Variants in CCNY observed in about 807,000 individuals in gnomAD.
The protein encoded by CCNY is cyclin Y, also known as cyclin-Y.
In CCNY, 19 loss-of-function variants were observed where a neutral mutation model predicts 42.8. That is an observed-to-expected ratio of 0.44 (90% CI 0.31 to 0.65). The LOEUF is 0.65. Among genes scored for constraint, CCNY ranks in the 30% least tolerant of loss-of-function variants. The probability of loss-of-function intolerance (pLI) is 0.07; values close to 1 mark genes in which losing one functional copy is unlikely to be tolerated. For missense variants in CCNY, 370 were observed against 437.3 expected (o/e 0.85, Z 1.37); for synonymous variants, 165 against 162.7 (o/e 1.01, Z -0.11).
At chr10:35,498,828 A>G (rs1283381062) in intron 2 of CCNY, among the ~76,000 whole-genome samples, 5 of 152,216 alleles carry the variant, frequency 3.3e-5, no homozygotes, top group African/African-American at 1.2e-4. Context: ...CCATACAGGA[A>G]AGTGGCACCT....
intron 8 of CCNY, among the ~76,000 whole-genome samples, chr10:35,554,545 C>G (rs1298625007): frequency 1.3e-5 from 2 of 152,042 alleles, no homozygotes; most frequent in Non-Finnish European, 2.9e-5. Flanking sequence ...AAATTCTGGC[C>G]TGTTTTCTTT....
At chr10:35,474,562 T>A (rs1222489378) in intron 1 of CCNY, among the ~76,000 whole-genome samples, 1 of 152,036 alleles carries the variant, frequency 6.6e-6, no homozygotes, top group Non-Finnish European at 1.5e-5. Flanking sequence ...TGCAGGGTAC[T>A]CCAACAGACC....
chr10:35,307,502 T>C (rs994823083), intron 3 of CCNY, among the ~76,000 whole-genome samples: 22 of 152,146 alleles, frequency 1.4e-4, no homozygotes, highest in Admixed American at 3.9e-4. Context: ...TGTGACTCAC[T>C]CACCCAACTG....
At chr10:35,523,565 G>A (rs1360410426) in intron 4 of CCNY, among the ~76,000 whole-genome samples, 2 of 152,166 alleles carry the variant, frequency 1.3e-5, no homozygotes, top group African/African-American at 4.8e-5. Context: ...TTGGCCTACA[G>A]AGTGGCTCTA....
At chr10:35,527,251 T>C (rs187935698) in intron 5 of CCNY, among the ~76,000 whole-genome samples, 112 of 152,124 alleles carry the variant, frequency 7.4e-4, no homozygotes, top group Non-Finnish European at 1.6e-4. Flanking sequence ...GTGTAGATTT[T>C]ATCTTGTTGC....
At chr10:35,308,932 T>C (rs528723089) in intron 3 of CCNY, among the ~76,000 whole-genome samples, 3 of 152,256 alleles carry the variant, frequency 2.0e-5, no homozygotes, top group African/African-American at 7.2e-5. Flanking sequence ...CTCAGAGTCC[T>C]TGCCTCAGCA....
Position 35,566,132 on chromosome 10 carries a change from A to T in CCNY, c.856A>T (p.Asn286Tyr). 6.2e-7 allele frequency: 1 copy of T among 1,614,260 alleles called. No individual in the cohort carries two copies. Among genetic ancestry groups the T allele is most frequent in the Non-Finnish European group, 8.5e-7 (1 of 1,180,050 alleles). The change falls in exon 9 of 10, where the codon AAC (asparagine) becomes TAC (tyrosine). Residue 286 changes from asparagine (N) to tyrosine (Y), a missense_variant. Asn to Tyr is a moderately radical substitution (Grantham distance 143, BLOSUM62 -2). Transcript: ENST00000374704. ...FDLRSLAEAN[N>Y]LSFPLEPLSR... is the part of the protein sequence containing the mutation. Reference sequence around the variant, plus strand: ...TCTTCGTTCTCTGGCAGAAGCGAACAACCTGAGCTTTCCCTTGGAGCCCCT... The same window carrying T: ...TCTTCGTTCTCTGGCAGAAGCGAACTACCTGAGCTTTCCCTTGGAGCCCCT...
chr10:35,276,249 C>T (rs761965209), intron 3 of CCNY, among the ~76,000 whole-genome samples: 3 of 152,216 alleles, frequency 2.0e-5, no homozygotes, highest in Non-Finnish European at 4.4e-5. Context: ...AACTCCTCCT[C>T]GCTGCCATTT....
chr10:35,365,840 T>A (rs144096752), intron 1 of CCNY, among the ~76,000 whole-genome samples: 17 of 152,234 alleles, frequency 1.1e-4, no homozygotes, highest in Admixed American at 6.5e-5. Flanking sequence ...CTGAAAATTA[T>A]TTCAAAATAA....
intron 3 of CCNY, among the ~76,000 whole-genome samples, chr10:35,260,233 C>T (rs2095718571): frequency 6.6e-6 from 1 of 152,194 alleles, no homozygotes; most frequent in African/African-American, 2.4e-5. Flanking sequence ...CAGCTCTTCT[C>T]AGAGTCTGAG....
chr10:35,468,330 A>G (rs989145913), intron 1 of CCNY, among the ~76,000 whole-genome samples: 2 of 152,154 alleles, frequency 1.3e-5, no homozygotes, highest in East Asian at 3.8e-4. Context: ...ACTGGGAGCT[A>G]GGATTTAACG....
chr10:35,388,476 T>A (rs1396869704), intron 1 of CCNY, among the ~76,000 whole-genome samples: 2 of 152,220 alleles, frequency 1.3e-5, no homozygotes, highest in African/African-American at 4.8e-5. Context: ...GGCTGGAAAC[T>A]TAGTGTCACA....
chr10:35,330,235 T>G (rs1835926355), intron 3 of CCNY, among the ~76,000 whole-genome samples: 1 of 152,242 alleles, frequency 6.6e-6, no homozygotes, highest in Admixed American at 6.5e-5. Context: ...GAGGAACCAT[T>G]AGCTACAGTT....
At chr10:35,402,887 G>A (rs1033835918) in intron 1 of CCNY, among the ~76,000 whole-genome samples, 20 of 152,226 alleles carry the variant, frequency 1.3e-4, no homozygotes, top group African/African-American at 4.3e-4. Context: ...GTAAAGGCCC[G>A]TCCGTTAATG....
intron 1 of CCNY, among the ~76,000 whole-genome samples, chr10:35,343,330 ATGGAGTGGTAGATTT>A (rs2135123952): frequency 6.8e-6 from 1 of 147,114 alleles, no homozygotes; most frequent in Non-Finnish European, 1.5e-5. Flanking sequence ...AAATAATTCC[ATGGAGTGGTAGATTT>A]TCTCACCTTC....
At chr10:35,387,069 A>C (rs1017136632) in intron 1 of CCNY, among the ~76,000 whole-genome samples, 1 of 152,308 alleles carries the variant, frequency 6.6e-6, no homozygotes, top group South Asian at 2.1e-4. Context: ...CACTACTGAG[A>C]GGAATTCCAC....
At chr10:35,441,427 C>G (rs1249481301) in intron 1 of CCNY, among the ~76,000 whole-genome samples, 3 of 152,122 alleles carry the variant, frequency 2.0e-5, no homozygotes, top group Admixed American at 2.0e-4. Flanking sequence ...TTTTAGGGCC[C>G]TATTATTACT....
intron 1 of CCNY, among the ~76,000 whole-genome samples, chr10:35,415,987 A>C (rs1838015134): frequency 6.6e-6 from 1 of 152,200 alleles, no homozygotes; most frequent in South Asian, 2.1e-4. Context: ...GGAAGAAATT[A>C]GTTGCTCTTT....
chr10:35,411,712 A>G (rs1179704793), intron 1 of CCNY, among the ~76,000 whole-genome samples: 1 of 152,168 alleles, frequency 6.6e-6, no homozygotes, highest in Non-Finnish European at 1.5e-5. Flanking sequence ...TACCTGGGAA[A>G]GAATGCAGAA....
Sources: gnomAD v4.1 joint callset for allele counts (sites outside exome capture counted in the v4.1 genomes callset) on GRCh38, gnomAD v4.1.1 for gene constraint, MANE v1.5 for transcripts, NCBI Gene and HGNC (gene_info 2026-07-23, HGNC 2026-07-21) for gene names.